NEBL: variants seen among roughly 807,000 people sequenced by gnomAD.
The protein encoded by NEBL is nebulette.
A neutral mutation model predicts 140.2 loss-of-function variants in NEBL; 122 were observed. The ratio of observed to expected loss-of-function variants is 0.87; its 90% CI spans 0.75 to 1.01. The LOEUF (loss-of-function observed/expected upper bound fraction) is 1.01, where lower values mean the gene tolerates loss of function less well. NEBL is among the 50% of genes least tolerant of loss of function. NEBL has a pLI of 0.00. For missense variants in NEBL, 1,365 were observed against 1,231.3 expected (o/e 1.11, Z -1.62); for synonymous variants, 436 against 398.9 (o/e 1.09, Z -1.11).
chr10:21,060,005 A>G (rs1174401777), intron 2 of NEBL, among the ~76,000 whole-genome samples: 1 of 152,246 alleles, frequency 6.6e-6, no homozygotes, highest in African/African-American at 2.4e-5. Flanking sequence ...AATTTGTCAT[A>G]CAGCCTTTGG....
chr10:21,275,972 T>C (rs529435981), intron 1 of NEBL, among the ~76,000 whole-genome samples: 76 of 148,088 alleles, frequency 5.1e-4, no homozygotes, highest in East Asian at 7.9e-4. Flanking sequence ...CCCTTTCTTT[T>C]TTTTTTTTTT....
intron 4 of NEBL, among the ~76,000 whole-genome samples, chr10:20,941,196 T>C (rs1834841970): frequency 1.3e-5 from 2 of 152,182 alleles, no homozygotes; most frequent in South Asian, 4.1e-4. Context: ...AATAAAATAC[T>C]GGCAAACCAA....
intron 1 of NEBL, among the ~76,000 whole-genome samples, chr10:21,260,512 T>C (rs1373307938): frequency 1.3e-5 from 2 of 152,268 alleles, no homozygotes; most frequent in Non-Finnish European, 1.5e-5. Flanking sequence ...TCTAGGATGC[T>C]GAGTTATAAA....
At chr10:20,940,535 C>T (rs1366284597) in intron 4 of NEBL, among the ~76,000 whole-genome samples, 1 of 142,960 alleles carries the variant, frequency 7.0e-6, no homozygotes. Flanking sequence ...ACTAGAAAAG[C>T]AAGAGCAAAC....
intron 2 of NEBL, among the ~76,000 whole-genome samples, chr10:21,134,827 G>T (rs1839276136): frequency 6.6e-6 from 1 of 152,196 alleles, no homozygotes; most frequent in Non-Finnish European, 1.5e-5. Context: ...TAAGAACATT[G>T]TTCTCTTCCC....
At chr10:21,005,137 T>C (rs972583115) in intron 3 of NEBL, among the ~76,000 whole-genome samples, 5 of 152,170 alleles carry the variant, frequency 3.3e-5, no homozygotes, top group Admixed American at 2.6e-4. Flanking sequence ...GAAAGTTCAA[T>C]TGCAGCTGTT....
intron 2 of NEBL, among the ~76,000 whole-genome samples, chr10:21,104,828 T>C (rs183398130): frequency 1.8e-4 from 27 of 152,326 alleles, no homozygotes; most frequent in East Asian, 1.5e-3. Flanking sequence ...ACTTTCTGTC[T>C]TTCACCATCA....
rs1840808583 is a variant in NEBL at position 20,835,628 on chromosome 10, A to C, written c.1339-5T>G. The C allele has an allele frequency of 1.3e-6, 2 of 1,577,442 alleles. No individual in the cohort carries two copies. Among genetic ancestry groups the C allele is most frequent in the African/African-American group, 2.7e-5 (2 of 74,166 alleles). ...CAGGTCTTTCTTGTATTCTTTCTGC[A>C]AAAGACAACATTTTACAACATTCAA... On this transcript the variant is annotated splice_region_variant and splice_polypyrimidine_tract_variant and intron_variant, in intron 13 of 27. Transcript: ENST00000377122.
intron 20 of NEBL, 69 bp from the exon 21 acceptor site, chr10:20,817,761 G>A: frequency 1.6e-6 from 2 of 1,258,884 alleles, no homozygotes; most frequent in Non-Finnish European, 1.2e-6. Flanking sequence ...CAAAGGACAA[G>A]GCTCAAAATT....
At chr10:20,871,778 G>A (rs987447553) in intron 5 of NEBL, among the ~76,000 whole-genome samples, 2 of 152,168 alleles carry the variant, frequency 1.3e-5, no homozygotes, top group Admixed American at 6.5e-5. Context: ...ATAAAAATAA[G>A]GCCGAAACTG....
chr10:20,952,317 G>T (rs1013411386), intron 4 of NEBL, among the ~76,000 whole-genome samples: 1 of 151,488 alleles, frequency 6.6e-6, no homozygotes, highest in South Asian at 2.1e-4. Context: ...GGCACCTGTA[G>T]TCCCAGCTAC....
chr10:21,096,072 T>A (rs533657304), intron 2 of NEBL, among the ~76,000 whole-genome samples: 2 of 152,242 alleles, frequency 1.3e-5, no homozygotes, highest in East Asian at 1.9e-4. Flanking sequence ...ATTAAATAGA[T>A]CCCATAAGCA....
intron 2 of NEBL, among the ~76,000 whole-genome samples, chr10:21,070,474 C>A (rs1190112707): frequency 5.9e-5 from 9 of 152,036 alleles, no homozygotes; most frequent in Non-Finnish European, 8.8e-5. Flanking sequence ...TAATTTAGAG[C>A]CCCAGCAATT....
At chr10:21,198,748 G>A (rs963076688) in intron 3 of NEBL, among the ~76,000 whole-genome samples, 1 of 151,968 alleles carries the variant, frequency 6.6e-6, no homozygotes, top group African/African-American at 2.4e-5. Context: ...CTTTCCCCAT[G>A]CAGAGTAACT....
chr10:21,013,309 A>G (rs188340365), intron 3 of NEBL, among the ~76,000 whole-genome samples: 17 of 152,318 alleles, frequency 1.1e-4, no homozygotes, highest in Admixed American at 7.2e-4. Flanking sequence ...GAAAATAAAC[A>G]TGCTGAAGCT....
intron 2 of NEBL, among the ~76,000 whole-genome samples, chr10:21,098,216 TCA>T (rs1255519995): frequency 3.6e-5 from 2 of 55,054 alleles, no homozygotes; most frequent in Non-Finnish European, 8.7e-5. Flanking sequence ...ACACACATTC[TCA>T]CTCACACGTG....
chr10:21,026,510 C>T (rs1833505041), intron 2 of NEBL, among the ~76,000 whole-genome samples: 2 of 152,238 alleles, frequency 1.3e-5, no homozygotes, highest in African/African-American at 4.8e-5. Context: ...CAAACAGCCA[C>T]CATGGCCCCT....
At position 20,888,093 on chromosome 10, in the gene NEBL, C is replaced by A. The variant is rs769894639; in HGVS notation, c.369+4G>T. On this transcript the variant is annotated splice_donor_region_variant and intron_variant, in intron 4 of 27. Coordinates refer to ENST00000377122, the MANE Select transcript of NEBL (RefSeq NM_006393.3). ...AATCATGAAACACTTTAGAAAAACC[C>A]TACCTCACTCTGGAGCTGTGTAACT... The A allele has an allele frequency of 6.3e-7, 1 of 1,584,146 alleles. No homozygotes were observed.
In NEBL at chr10:21,281,322, G is replaced by GT. The variant is rs1176502750; in HGVS notation, n.182+11507dup. ...CAAGCCCTTGTTTTTTGGTTTTGGG[G>GT]TTTTTTGTGTGTGTGTTTTTAGAGA... is the stretch of plus-strand genomic sequence containing the variant. On this transcript the variant is annotated intron_variant and non_coding_transcript_variant, in intron 1 of 8. Coordinates refer to the NEBL transcript ENST00000675702. Among the ~76,000 whole-genome samples the GT allele has an allele frequency of 3.9e-4, 60 of 151,994 alleles. 1 individual carries two copies. The highest frequency in any genetic ancestry group is 1.3e-3 in the African/African-American group (56 of 41,502).
Sources: gnomAD v4.1 joint callset for allele counts (sites outside exome capture counted in the v4.1 genomes callset) on GRCh38, gnomAD v4.1.1 for gene constraint, MANE v1.5 for transcripts, NCBI Gene and HGNC (gene_info 2026-07-23, HGNC 2026-07-21) for gene names.